The following RBM44 variants were observed in gnomAD, a reference collection of about 807,000 sequenced individuals.
RBM44 encodes RNA-binding protein 44.
Under a neutral mutation model 105.1 loss-of-function variants are expected in RBM44, and 66 were observed. That is an observed-to-expected ratio of 0.63 (90% CI 0.52 to 0.77). RBM44 has a LOEUF of 0.77. Ranked by LOEUF, RBM44 falls within the 30% of genes least tolerant of loss-of-function variation. RBM44 has a pLI of 0.00. For missense variants in RBM44, 1,122 were observed against 1,207.8 expected (o/e 0.93, Z 1.05); for synonymous variants, 365 against 417.6 (o/e 0.87, Z 1.54).
At chr2:237,799,042 C>CG (rs2061516364) in intron 1 of RBM44, 181 bp downstream of exon 1, 1 of 152,116 alleles carries the variant, frequency 6.6e-6, no homozygotes, top group Admixed American at 6.5e-5. Flanking sequence ...GCGAGGCGGG[C>CG]GGGGGACTGG....
chr2:237,826,187 A>G (rs113030052), intron 10 of RBM44, among the ~76,000 whole-genome samples: 1 of 152,064 alleles, frequency 6.6e-6, no homozygotes, highest in Non-Finnish European at 1.5e-5. Context: ...TAAAATTTCC[A>G]CATCTCCCAT....
chr2:237,811,948 G>A (rs1013326602), intron 1 of RBM44, among the ~76,000 whole-genome samples: 2 of 152,090 alleles, frequency 1.3e-5, no homozygotes, highest in South Asian at 2.1e-4. Context: ...TCCATCTGCC[G>A]GGTTCAAGTA....
chr2:237,812,534 TCTC>T (rs569220652), intron 1 of RBM44, among the ~76,000 whole-genome samples: 54 of 152,306 alleles, frequency 3.5e-4, no homozygotes, highest in Admixed American at 1.1e-3. Flanking sequence ...TTTAATATCT[TCTC>T]CTTGTAGAAC....
At chr2:237,831,252 G>C (rs372438271) in intron 13 of RBM44, among the ~76,000 whole-genome samples, 1 of 135,782 alleles carries the variant, frequency 7.4e-6, no homozygotes, top group East Asian at 2.4e-4. Context: ...TTGGGGGGGG[G>C]GGGGTTTGTC....
At position 237,813,585 on chromosome 2, in the gene RBM44, T is replaced by C; in HGVS notation, c.-18-7T>C. ...TAATAATAGTTCAATATTTATACCT[T>C]TTCTAGATTATATATCTTTGAATGA... On this transcript the variant is annotated splice_polypyrimidine_tract_variant and splice_region_variant and intron_variant, in intron 1 of 15. Transcript: ENST00000316997. The C allele has an allele frequency of 2.7e-6, 4 of 1,490,316 alleles. No homozygotes were observed. The highest frequency in any genetic ancestry group is 3.7e-6 in the Non-Finnish European group (4 of 1,070,254). The allele number at this position is 1,490,316 out of a possible 1,614,324, so 92.3% of individuals were successfully genotyped here.
chr2:237,823,112 G>GTA (rs917383514), intron 8 of RBM44, among the ~76,000 whole-genome samples: 2 of 148,604 alleles, frequency 1.3e-5, no homozygotes, highest in Non-Finnish European at 3.0e-5. Flanking sequence ...AAATATTTGT[G>GTA]TATATATATA....
intron 8 of RBM44, among the ~76,000 whole-genome samples, chr2:237,822,541 T>G (rs1002371001): frequency 6.6e-6 from 1 of 152,126 alleles, no homozygotes; most frequent in African/African-American, 2.4e-5. Context: ...CAAGATGAAT[T>G]CCAAAGTTAA....
In RBM44 at chr2:237,831,826, T is replaced by G. The variant is rs187662320; in HGVS notation, c.2887-2171T>G. Among the ~76,000 whole-genome samples, 207 of 152,294 alleles carry G rather than the reference T, an allele frequency of 1.4e-3. 1 individual carries two copies. Among genetic ancestry groups the G allele is most frequent in the African/African-American group, 4.8e-3 (201 of 41,566 alleles). On this transcript the variant is annotated intron_variant, in intron 13 of 15. Coordinates refer to ENST00000316997, the MANE Select transcript of RBM44 (RefSeq NM_001080504.3). Reference sequence around the variant, plus strand: ...ACTTTTCCTTTCATCTCAGTGACCCTTCATGTGTGGGATTGATTTGTTTGG... The same window carrying G: ...ACTTTTCCTTTCATCTCAGTGACCCGTCATGTGTGGGATTGATTTGTTTGG...
chr2:237,829,541 C>G, intron 13 of RBM44, 39 bp downstream of exon 13: 2 of 1,523,810 alleles, frequency 1.3e-6, no homozygotes, highest in Middle Eastern at 1.8e-4. Context: ...GGTCTTTGTA[C>G]GTCATATTGC....
intron 1 of RBM44, among the ~76,000 whole-genome samples, chr2:237,810,403 A>ATC (rs1043907587): frequency 1.1e-4 from 17 of 152,308 alleles, no homozygotes; most frequent in Admixed American, 1.1e-3. Context: ...ATCACTTTTT[A>ATC]TCTCCTCTGT....
chr2:237,824,862 T>C (rs1449336806), intron 10 of RBM44, among the ~76,000 whole-genome samples: 8 of 152,162 alleles, frequency 5.3e-5, no homozygotes, highest in Non-Finnish European at 1.5e-5. Context: ...AGATAGTCCT[T>C]AATTGCTTAG....
At position 237,841,738 on chromosome 2, in the gene RBM44, A is replaced by G. The variant is rs2062013510; in HGVS notation, c.*23-101A>G. On this transcript the variant is annotated intron_variant, in intron 15 of 15. Transcript: ENST00000316997. The surrounding 1 kb of genome is among the most constrained non-coding windows in gnomAD (Gnocchi z 4.5). ...ATGTAAGAAAAATGAAATTTGTTAAAAGATATTCTAGTACCATTAGAAACA... is the reference window on the plus strand; with the variant it reads ...ATGTAAGAAAAATGAAATTTGTTAAGAGATATTCTAGTACCATTAGAAACA... The G allele has an allele frequency of 6.6e-6, 1 of 152,198 alleles. No homozygotes were observed. The highest frequency in any genetic ancestry group is 2.4e-5 in the African/African-American group (1 of 41,450). The allele number at this position is 152,198 out of a possible 1,614,324, so 9.4% of individuals were successfully genotyped here. A position where few individuals can be genotyped will look rare whatever the true frequency, so the allele number is the denominator to read the frequency against.
At position 237,817,792 on chromosome 2, in the gene RBM44, C is replaced by T; in HGVS notation, c.873C>T (p.His291=). Residue 291 remains histidine (H), a synonymous_variant, in exon 3 of 16, where the codon CAC becomes CAT. Transcript: ENST00000316997. ...YKEQETNSMY[H]TVFDGSVLRS... ...AACAAGAGACTAATTCAATGTACCA[C>T]ACTGTATTTGATGGCAGTGTACTAA... 1.2e-6 allele frequency: 2 copies of T among 1,611,670 alleles called. No homozygotes were observed. Among genetic ancestry groups the T allele is most frequent in the South Asian group, 1.1e-5 (1 of 90,942 alleles).
chr2:237,828,613 T>A (rs2150986174), intron 12 of RBM44, among the ~76,000 whole-genome samples: 1 of 152,276 alleles, frequency 6.6e-6, no homozygotes, highest in South Asian at 2.1e-4. Flanking sequence ...ACAGCCACTC[T>A]TCCCGGGATT....
intron 13 of RBM44, 76 bp downstream of exon 13, chr2:237,829,578 C>G: frequency 8.0e-7 from 1 of 1,254,404 alleles, no homozygotes; most frequent in Non-Finnish European, 1.1e-6. Flanking sequence ...GAATAAATAA[C>G]TTCAATATGC....
rs1425402833 is a variant in RBM44, at chr2:237,838,692, C to T, written c.*23-3147C>T. Among the ~76,000 whole-genome samples the T allele has an allele frequency of 2.0e-5, 3 of 152,080 alleles. No homozygotes were observed. The East Asian group carries it at 5.8e-4, about 29-fold the overall frequency. On this transcript the variant is annotated intron_variant, in intron 15 of 15. Coordinates refer to ENST00000316997, the MANE Select transcript of RBM44 (RefSeq NM_001080504.3). The stretch of plus-strand genomic sequence containing the variant: ...TTATATGCTAGGAGGACTCACATTA[C>T]TCAGTATATAGATGTATTCATGGCT...
Position 237,841,417 on chromosome 2 carries a change from T to C in RBM44, c.*23-422T>C, listed in dbSNP as rs1194218340. Reference sequence around the variant, plus strand: ...ACAGCAGACACTGCAGCCTACTTAATGTTAGACGGTAGGAGGAGGGTGAGG... The same window carrying C: ...ACAGCAGACACTGCAGCCTACTTAACGTTAGACGGTAGGAGGAGGGTGAGG... On this transcript the variant is annotated intron_variant, in intron 15 of 15. Coordinates refer to ENST00000316997, the MANE Select transcript of RBM44 (RefSeq NM_001080504.3). The surrounding 1 kb of genome is among the most constrained non-coding windows in gnomAD (Gnocchi z 4.5). Among the ~76,000 whole-genome samples, 1 of 152,126 alleles carries C rather than the reference T, an allele frequency of 6.6e-6. No individual in the cohort carries two copies. Among genetic ancestry groups the C allele is most frequent in the Non-Finnish European group, 1.5e-5 (1 of 67,992 alleles).
At position 237,820,993 on chromosome 2, in the gene RBM44, G is replaced by T. The variant is rs1228096950; in HGVS notation, c.1914-78G>T. The T allele has an allele frequency of 4.7e-6, 5 of 1,055,058 alleles. No homozygotes were observed. In the African/African-American group the frequency reaches 8.1e-5, roughly 17 times the overall value. 65.4% of individuals were successfully genotyped at this position (1,055,058 alleles called of 1,614,324 possible). The stretch of plus-strand genomic sequence containing the variant: ...TTGAGCCCAGGAGTTCAAGAACCAA[G>T]TGTATAATATAATATTAGTGTTAAA... On this transcript the variant is annotated intron_variant, in intron 5 of 15. Transcript: ENST00000316997.
chr2:237,824,348 C>A lies in RBM44; in HGVS notation c.2378C>A (p.Thr793Lys). 6.2e-7 allele frequency: 1 copy of A among 1,612,652 alleles called. No individual in the cohort carries two copies. Among genetic ancestry groups the A allele is most frequent in the Non-Finnish European group, 8.5e-7 (1 of 1,178,992 alleles). The change falls in exon 10 of 16, where the codon ACA (threonine) becomes AAA (lysine). Residue 793 changes from threonine (T) to lysine (K), a missense_variant. Thr to Lys is a moderately conservative substitution (Grantham distance 78). This residue lies in a region of RBM44 where 918 missense variants were observed against 955.3 expected (regional missense o/e 0.96). Coordinates refer to ENST00000316997, the MANE Select transcript of RBM44 (RefSeq NM_001080504.3). ...TGGTCTGATGCTAAAGAGAGCCTGA[C>A]AGGAGTTGACGTCTCAGGGACACAG... is the stretch of plus-strand genomic sequence containing the variant. ...EDWSDAKESLTGVDVSGTQGN... is the reference protein window; with the variant it reads ...EDWSDAKESLKGVDVSGTQGN...
Sources: allele counts gnomAD v4.1 joint callset (sites outside exome capture counted in the v4.1 genomes callset), GRCh38; gene constraint gnomAD v4.1.1; regional missense constraint gnomAD v4.1.1; non-coding constraint Gnocchi (gnomAD v3.1); transcripts MANE v1.5; gene names NCBI Gene and HGNC (gene_info 2026-07-23, HGNC 2026-07-21).